The following LTBP4 variants were observed in gnomAD, a reference collection of about 807,000 sequenced individuals.
LTBP4 encodes latent-transforming growth factor beta-binding protein 4.
LTBP4 carries 93 observed loss-of-function variants against 180.2 expected under a neutral mutation model. The ratio of observed to expected loss-of-function variants is 0.52; its 90% CI spans 0.44 to 0.61. LTBP4 has a LOEUF of 0.61. LTBP4 is among the 20% of genes least tolerant of loss of function. The pLI, the probability that LTBP4 is intolerant of heterozygous loss-of-function variation, is 0.00. For missense variants in LTBP4, 2,116 were observed against 2,256.5 expected (o/e 0.94, Z 1.26); for synonymous variants, 947 against 934.5 (o/e 1.01, Z -0.24).
In LTBP4 at chr19:40,607,207, C is replaced by T. The variant is rs551185686; in HGVS notation, c.992-158C>T. 1.1e-3 allele frequency among the ~76,000 whole-genome samples: 160 copies of T among 152,328 alleles called. No individual in the cohort carries two copies. The Middle Eastern group carries it at 0.017, about 16-fold the overall frequency. On this transcript the variant is annotated intron_variant, in intron 6 of 29. Coordinates refer to ENST00000396819, the MANE Select transcript of LTBP4 (RefSeq NM_001042545.2). ...GCCCTTCTCAGACCTCCAGAGCCCA[C>T]TGCTCTCCTTCAGACCCTCTCAGAC...
Position 40,625,301 on chromosome 19 carries a change from TATATATATATATATA to T in LTBP4, c.3833-555_3833-541del, listed in dbSNP as rs1568414578. Among the ~76,000 whole-genome samples the T allele has an allele frequency of 4.1e-3, 83 of 20,362 alleles. 11 individuals are homozygous for T. Among genetic ancestry groups the T allele is most frequent in the East Asian group, 7.5e-3 (6 of 800 alleles). 13.4% of individuals were successfully genotyped at this position (20,362 alleles called of 152,430 possible). Reference sequence around the variant, plus strand: ...ATATATATATATATATATATATATATATATATATATATATATTTTTTTTTTTAAAGATGGGTTTTT... The same window carrying T: ...ATATATATATATATATATATATATATTTTTTTTTTTTAAAGATGGGTTTTT... On this transcript the variant is annotated intron_variant, in intron 26 of 29. Transcript: ENST00000396819.
At chr19:40,601,274 A>G, upstream of LTBP4, 2 of 807,346 alleles carry the variant, frequency 2.5e-6, no homozygotes, top group Non-Finnish European at 3.0e-6. Flanking sequence ...AGTGGTGAGG[A>G]GGGGGGGCCT....
At chr19:40,612,309 C>T in intron 15 of LTBP4, 117 bp downstream of exon 15, 4 of 1,370,778 alleles carry the variant, frequency 2.9e-6, no homozygotes, top group Non-Finnish European at 3.9e-6. Context: ...CCCTCAGTCC[C>T]CAGAGCCTGT....
At chr19:40,599,613 C>T (rs1032892300), upstream of LTBP4, 20 of 1,540,742 alleles carry the variant, frequency 1.3e-5, no homozygotes, top group Admixed American at 3.4e-4. Flanking sequence ...TAGCTTTGCC[C>T]CCGTTTCCGC....
intron 26 of LTBP4, among the ~76,000 whole-genome samples, chr19:40,624,723 TATTTTTA>T (rs933160516): frequency 3.4e-4 from 52 of 152,088 alleles, no homozygotes; most frequent in African/African-American, 1.1e-3. Context: ...TATTTTATTT[TATTTTTA>T]ATTTTTAATT....
rs935643544 is a variant in LTBP4 at position 40,605,536 on chromosome 19, G to A, written c.574G>A (p.Ala192Thr). 6.8e-6 allele frequency: 11 copies of A among 1,607,468 alleles called. No homozygotes were observed. The highest frequency in any genetic ancestry group is 9.3e-6 in the Non-Finnish European group (11 of 1,178,148). ...AEAVARAEAAARAEAAAPYTV... is the reference protein window; with the variant it reads ...AEAVARAEAATRAEAAAPYTV... ...GGCGGTGGCGCGGGCGGAAGCGGCGGCGCGGGCGGAGGCGGCAGCGCCCTA... is the reference window on the plus strand; with the variant it reads ...GGCGGTGGCGCGGGCGGAAGCGGCGACGCGGGCGGAGGCGGCAGCGCCCTA... Residue 192 changes from alanine (A) to threonine (T), a missense_variant, in exon 3 of 30, where the codon GCG becomes ACG. Coordinates refer to ENST00000396819, the MANE Select transcript of LTBP4 (RefSeq NM_001042545.2). This position sits in a 1 kb window ranked among gnomAD's most constrained non-coding sequence, Gnocchi z 5.5.
intron 21 of LTBP4, 76 bp from the exon 22 acceptor site, chr19:40,619,271 T>C (rs1042908068): frequency 6.8e-7 from 1 of 1,463,666 alleles, no homozygotes; most frequent in African/African-American, 1.4e-5. Flanking sequence ...ATTTGAAAGC[T>C]GAGACTTTCG....
At position 40,606,252 on chromosome 19, in the gene LTBP4, C is replaced by T; in HGVS notation, c.813C>T (p.Ser271=). The T allele has an allele frequency of 6.3e-7, 1 of 1,593,594 alleles. No individual in the cohort carries two copies. ...SERLGNSERV[S]APDGPCPTGF... is the part of the protein sequence containing the mutation. Reference sequence around the variant, plus strand: ...CCACAGGGAACTCCGAAAGAGTGAGCGCCCCAGATGGACCTTGTCCAACCG... The same window carrying T: ...CCACAGGGAACTCCGAAAGAGTGAGTGCCCCAGATGGACCTTGTCCAACCG... The change falls in exon 5 of 30, where the codon AGC becomes AGT. Residue 271 remains serine (S), a synonymous_variant. Transcript: ENST00000396819.
Position 40,613,109 on chromosome 19 carries a change from G to A in LTBP4, c.2344G>A (p.Gly782Ser), listed in dbSNP as rs1024320507. The change falls in exon 16 of 30, where the codon GGC becomes AGC. Residue 782 changes from glycine to serine, a missense_variant. Around this residue, in one of 5 missense-constraint regions of LTBP4, gnomAD observed 877 missense variants for 873.6 expected, o/e 1.00. Coordinates refer to ENST00000396819, the MANE Select transcript of LTBP4 (RefSeq NM_001042545.2). This position sits in a 1 kb window ranked among gnomAD's most constrained non-coding sequence, Gnocchi z 5.0. The stretch of plus-strand genomic sequence containing the variant: ...GGGTGCCCCTCCCTGTGGTCCCCAC[G>A]GCCACTGCACTAACACCGAAGGCTC... Reference protein sequence around the residue: ...SSGAPPCGPHGHCTNTEGSFR... With the variant: ...SSGAPPCGPHSHCTNTEGSFR... 3 of 1,608,448 alleles carry A rather than the reference G, an allele frequency of 1.9e-6. No homozygotes were observed. The highest frequency in any genetic ancestry group is 2.5e-6 in the Non-Finnish European group (3 of 1,177,550).
At chr19:40,595,698 G>A (rs1351667211) in intron 1 of LTBP4, among the ~76,000 whole-genome samples, 1 of 151,836 alleles carries the variant, frequency 6.6e-6, no homozygotes, top group Non-Finnish European at 1.5e-5. Flanking sequence ...GGAAGGGATC[G>A]GTACTCTCTT....
At chr19:40,623,857 A>T in intron 25 of LTBP4, 79 bp from the exon 26 acceptor site, 1 of 1,598,376 alleles carries the variant, frequency 6.3e-7, no homozygotes, top group Non-Finnish European at 8.6e-7. Context: ...CATCCATCAC[A>T]CTGCCAATGT....
rs2081594832 is a variant in LTBP4, at chr19:40,622,673, C to T, written c.3484+6C>T. 1.9e-6 allele frequency: 3 copies of T among 1,596,410 alleles called. No homozygotes were observed. The South Asian group carries it at 3.3e-5, about 18-fold the overall frequency. On this transcript the variant is annotated splice_donor_region_variant and intron_variant, in intron 23 of 29. Transcript: ENST00000396819. The surrounding 1 kb of genome is among the most constrained non-coding windows in gnomAD (Gnocchi z 5.1). ...GTGCCCGGGCACCGAGACAGGTGGG[C>T]ATGGGCTGATGGGGACACAGGGCTG...
Position 40,601,414 on chromosome 19 carries a change from G to A in LTBP4, c.27G>A (p.Trp9Ter). ...TGGCGGGCGGCGTGCGGCTGCTCTG[G>A]GTGTCGCTATTGGTGCTGCTGGCGC... Reference protein sequence around the residue: MAGGVRLLWVSLLVLLAQL... With the variant: MAGGVRLL Residue 9 changes from tryptophan (W) to a stop codon, truncating the protein, a stop_gained, in exon 1 of 30, where the codon TGG (tryptophan) becomes TGA (stop). Transcript: ENST00000396819. LOFTEE classifies it high-confidence loss of function. The A allele has an allele frequency of 7.1e-7, 1 of 1,405,562 alleles. No individual in the cohort carries two copies. The highest frequency in any genetic ancestry group is 9.3e-7 in the Non-Finnish European group (1 of 1,075,346). The allele number at this position is 1,405,562 out of a possible 1,614,324, so 87.1% of individuals were successfully genotyped here.
At position 40,607,522 on chromosome 19, in the gene LTBP4, C is replaced by A. The variant is rs1315874131; in HGVS notation, c.1149C>A (p.Phe383Leu). The part of the protein sequence containing the change: ...WGRGCQLCPP[F>L]GSEGFREICP... ...GGGGCTGCCAGCTCTGCCCACCCTT[C>A]GGCTCAGGTGAGCCCCTGCGGCAGT... The change falls in exon 7 of 30, where the codon TTC becomes TTA. Residue 383 changes from phenylalanine (F) to leucine (L), a missense_variant. By Grantham distance (22) the Phe-to-Leu change is conservative. Coordinates refer to ENST00000396819, the MANE Select transcript of LTBP4 (RefSeq NM_001042545.2). 1 of 1,609,514 alleles carries A rather than the reference C, an allele frequency of 6.2e-7. No individual in the cohort carries two copies. Among genetic ancestry groups the A allele is most frequent in the Non-Finnish European group, 8.5e-7 (1 of 1,178,336 alleles).
intron 1 of LTBP4, among the ~76,000 whole-genome samples, chr19:40,602,914 G>A (rs1278198271): frequency 6.6e-6 from 1 of 152,044 alleles, no homozygotes; most frequent in African/African-American, 2.4e-5. Context: ...CTCCATCAGA[G>A]ACCCTTACCA....
chr19:40,616,972 C>T lies in LTBP4; in HGVS notation c.2896C>T (p.Pro966Ser). 1 of 1,614,042 alleles carries T rather than the reference C, an allele frequency of 6.2e-7. No homozygotes were observed. Among genetic ancestry groups the T allele is most frequent in the Non-Finnish European group, 8.5e-7 (1 of 1,179,892 alleles). The change falls in exon 20 of 30, where the codon CCA becomes TCA. Residue 966 changes from proline (P) to serine (S), a missense_variant. Around this residue, in one of 5 missense-constraint regions of LTBP4, gnomAD observed 877 missense variants for 873.6 expected, o/e 1.00. Transcript: ENST00000396819. ...CACCCCTGGCTCCTACCGCTGCACA[C>T]CAGCCTGTGACCCTGGCTATCAGCC... Reference protein sequence around the residue: ...ENTPGSYRCTPACDPGYQPTP... With the variant: ...ENTPGSYRCTSACDPGYQPTP...
chr19:40,623,153 G>T, intron 24 of LTBP4, 132 bp downstream of exon 24: 2 of 553,340 alleles, frequency 3.6e-6, no homozygotes, highest in East Asian at 3.2e-5. Flanking sequence ...CCCATACTCT[G>T]TCTCTTTCTT....
chr19:40,598,250 G>C (rs997356313), upstream of LTBP4, among the ~76,000 whole-genome samples: 1 of 152,148 alleles, frequency 6.6e-6, no homozygotes, highest in Non-Finnish European at 1.5e-5. Flanking sequence ...TTAACCTGGA[G>C]AAAAGGCGGG....
At position 40,595,097 on chromosome 19, in the gene LTBP4, T is replaced by C. The variant is rs567809910; in HGVS notation, c.16+1916T>C. ...GCTTAAGAATCCAACTGCTTTGGGA[T>C]ATGGGGCCTGGAACCCCAAAGCGAA... On this transcript the variant is annotated intron_variant, in intron 1 of 32. Coordinates refer to the LTBP4 transcript ENST00000204005. 1.2e-4 allele frequency among the ~76,000 whole-genome samples: 19 copies of C among 152,078 alleles called. No homozygotes were observed. The South Asian group carries it at 3.7e-3, about 30-fold the overall frequency.
Sources: gnomAD v4.1 joint callset for allele counts (sites outside exome capture counted in the v4.1 genomes callset) on GRCh38, gnomAD v4.1.1 for gene constraint, gnomAD v4.1.1 regional missense constraint, Gnocchi (gnomAD v3.1) non-coding constraint, MANE v1.5 for transcripts, NCBI Gene and HGNC (gene_info 2026-07-23, HGNC 2026-07-21) for gene names.